ADCY2: variants seen among roughly 807,000 people sequenced by gnomAD.
ADCY2 encodes the protein adenylate cyclase 2, also known as adenylate cyclase type 2.
A neutral mutation model predicts 125.2 loss-of-function variants in ADCY2; 31 were observed. The ratio of observed to expected loss-of-function variants is 0.25; its 90% CI spans 0.19 to 0.33. The LOEUF (loss-of-function observed/expected upper bound fraction) is 0.33, where lower values mean the gene tolerates loss of function less well. Ranked by LOEUF, ADCY2 falls within the 10% of genes least tolerant of loss-of-function variation. ADCY2 has a pLI of 1.00. For missense variants in ADCY2, 904 were observed against 1,418.2 expected, an observed-to-expected ratio of 0.64 and a Z score of 5.82; for synonymous variants, 512 against 548.4, an observed-to-expected ratio of 0.93 and a Z score of 0.93.
intron 3 of ADCY2, among the ~76,000 whole-genome samples, chr5:7,589,528 A>AAAGAG (rs1561112731): frequency 7.5e-6 from 1 of 132,558 alleles, no homozygotes; most frequent in Non-Finnish European, 1.6e-5. Flanking sequence ...AAGAAAGAGA[A>AAAGAG]AGAAAGAAAG....
At chr5:7,747,445 A>T (rs1742663155) in intron 15 of ADCY2, among the ~76,000 whole-genome samples, 1 of 151,936 alleles carries the variant, frequency 6.6e-6, no homozygotes, top group South Asian at 2.1e-4. Flanking sequence ...GCACTCCCTC[A>T]TCTCATGGAG....
intron 6 of ADCY2, 90 bp downstream of exon 6, chr5:7,695,953 A>T: frequency 1.3e-6 from 1 of 761,432 alleles, no homozygotes; most frequent in Middle Eastern, 2.5e-4. Context: ...TTACTTTTTC[A>T]TAAAAGCATC....
intron 2 of ADCY2, among the ~76,000 whole-genome samples, chr5:7,418,486 G>A (rs1740042655): frequency 6.6e-6 from 1 of 152,052 alleles, no homozygotes; most frequent in African/African-American, 2.4e-5. Flanking sequence ...AGCATTGGCA[G>A]GGTGTGTGCC....
intron 2 of ADCY2, among the ~76,000 whole-genome samples, chr5:7,417,052 G>A (rs1288754334): frequency 1.3e-5 from 2 of 152,302 alleles, no homozygotes; most frequent in Admixed American, 6.5e-5. Flanking sequence ...GATATTTAAA[G>A]CCTAAGAATT....
At chr5:7,609,220 C>T (rs1737488778) in intron 3 of ADCY2, among the ~76,000 whole-genome samples, 1 of 152,158 alleles carries the variant, frequency 6.6e-6, no homozygotes, top group African/African-American at 2.4e-5. Context: ...CAAGGCATAA[C>T]CCTGATATTC....
At chr5:7,658,399 T>TTGTGTGTGTGTGTGTGTG (rs369870574) in intron 4 of ADCY2, among the ~76,000 whole-genome samples, 21 of 130,932 alleles carry the variant, frequency 1.6e-4, no homozygotes, top group African/African-American at 3.4e-4. Context: ...GTGAAGAGAA[T>TTGTGTGTGTGTGTGTGTG]TGTGTGTGTG....
chr5:7,803,596 G>A (rs1561017560), intron 21 of ADCY2, among the ~76,000 whole-genome samples: 1 of 152,144 alleles, frequency 6.6e-6, no homozygotes, highest in Non-Finnish European at 1.5e-5. Flanking sequence ...CTAATTCCAA[G>A]ACAAGAAATA....
intron 20 of ADCY2, among the ~76,000 whole-genome samples, chr5:7,790,480 C>G (rs560635020): frequency 6.6e-6 from 1 of 152,260 alleles, no homozygotes; most frequent in Non-Finnish European, 1.5e-5. Flanking sequence ...TGTGAGATGT[C>G]TTTAATATTG....
chr5:7,785,205 A>G (rs1744044075), intron 19 of ADCY2, among the ~76,000 whole-genome samples: 1 of 152,206 alleles, frequency 6.6e-6, no homozygotes, highest in South Asian at 2.1e-4. Context: ...AATCTGCCCA[A>G]TATCTAAGAG....
intron 22 of ADCY2, among the ~76,000 whole-genome samples, chr5:7,805,145 G>A (rs1167580459): frequency 6.7e-6 from 1 of 148,972 alleles, no homozygotes; most frequent in East Asian, 2.0e-4. Flanking sequence ...GTGAAACCCC[G>A]TCTTTACCAA....
intron 4 of ADCY2, among the ~76,000 whole-genome samples, chr5:7,656,054 CTTTTTTT>C (rs1272806102): frequency 7.6e-6 from 1 of 132,370 alleles, no homozygotes; most frequent in Non-Finnish European, 1.6e-5. Context: ...TTTTCATTTT[CTTTTTTT>C]TTTTTTTTTT....
intron 15 of ADCY2, among the ~76,000 whole-genome samples, chr5:7,756,202 A>C (rs755325349): frequency 6.6e-6 from 1 of 152,214 alleles, no homozygotes; most frequent in South Asian, 2.1e-4. Flanking sequence ...CCCACAGTTC[A>C]GTGGAACTCT....
At chr5:7,442,631 A>G (rs1303379806) in intron 2 of ADCY2, among the ~76,000 whole-genome samples, 2 of 151,850 alleles carry the variant, frequency 1.3e-5, no homozygotes, top group Admixed American at 6.6e-5. Context: ...TCTTGGTTTC[A>G]TCTCTCACTC....
rs748870443 is a variant in ADCY2 at position 7,396,516 on chromosome 5, C to T, written c.210+10C>T. ...CTTCGCGCTCGGGCTGGTGAGTGGC[C>T]TCCCCGCGGGTCCAGCGCCGCGCCT... is the stretch of plus-strand genomic sequence containing the variant. On this transcript the variant is annotated intron_variant, in intron 1 of 24. Coordinates refer to ENST00000338316, the MANE Select transcript of ADCY2 (RefSeq NM_020546.3). The surrounding 1 kb of genome is among the most constrained non-coding windows in gnomAD (Gnocchi z 5.7). 3.9e-6 allele frequency: 6 copies of T among 1,555,756 alleles called. No homozygotes were observed. In the African/African-American group the frequency reaches 7.1e-5, roughly 18 times the overall value.
intron 15 of ADCY2, among the ~76,000 whole-genome samples, chr5:7,754,458 A>G (rs1742922605): frequency 6.6e-6 from 1 of 152,064 alleles, no homozygotes; most frequent in African/African-American, 2.4e-5. Flanking sequence ...TCTATTGATA[A>G]TTTCTGTGTA....
At chr5:7,435,196 A>G (rs1482003293) in intron 2 of ADCY2, among the ~76,000 whole-genome samples, 3 of 152,198 alleles carry the variant, frequency 2.0e-5, no homozygotes, top group African/African-American at 7.2e-5. Flanking sequence ...ATTCTGTGAG[A>G]TCAGTGTCAG....
chr5:7,706,784 G>A lies in ADCY2; in HGVS notation c.1150G>A (p.Val384Met), dbSNP rs781137779. 7 of 1,614,210 alleles carry A rather than the reference G, an allele frequency of 4.3e-6. No homozygotes were observed. The highest frequency in any genetic ancestry group is 2.7e-5 in the African/African-American group (2 of 75,056). The change falls in exon 8 of 25, where the codon GTG becomes ATG. Residue 384 changes from valine to methionine, a missense_variant. Physicochemically the swap from Val to Met is conservative, Grantham distance 21. Around this residue, in one of 7 missense-constraint regions of ADCY2, gnomAD observed 117 missense variants for 248.0 expected, o/e 0.47. Transcript: ENST00000338316. ...TACTGGAGTTGATATCAACATGCGC[G>A]TGGGCGTGCATTCTGGGAATGTCCT... ...DATGVDINMR[V>M]GVHSGNVLCG...
intron 3 of ADCY2, among the ~76,000 whole-genome samples, chr5:7,530,450 G>T (rs1157076236): frequency 1.3e-5 from 2 of 152,078 alleles, no homozygotes; most frequent in Admixed American, 1.3e-4. Flanking sequence ...CATGATCATA[G>T]CTCACTGCAG....
chr5:7,690,975 A>G, intron 5 of ADCY2, 136 bp downstream of exon 5: 1 of 1,054,858 alleles, frequency 9.5e-7, no homozygotes. Context: ...AATCACACAG[A>G]TTCTGCCATC....
Sources: gnomAD v4.1 joint callset for allele counts (sites outside exome capture counted in the v4.1 genomes callset) on GRCh38, gnomAD v4.1.1 for gene constraint, gnomAD v4.1.1 regional missense constraint, Gnocchi (gnomAD v3.1) non-coding constraint, MANE v1.5 for transcripts, NCBI Gene and HGNC (gene_info 2026-07-23, HGNC 2026-07-21) for gene names.